The following USH2A variants were observed in gnomAD, a reference collection of about 807,000 sequenced individuals.
USH2A encodes Usher syndrome 2A (autosomal recessive, mild).
Under a neutral mutation model 538.9 loss-of-function variants are expected in USH2A, and 443 were observed. That is an observed-to-expected ratio of 0.82 (90% CI 0.76 to 0.89). The LOEUF (loss-of-function observed/expected upper bound fraction) is 0.89. Among genes scored for constraint, USH2A ranks in the 40% least tolerant of loss-of-function variants. The pLI, the probability that USH2A is intolerant of heterozygous loss-of-function variation, is 0.00. For missense variants in USH2A, 6,633 were observed against 6,324.8 expected (o/e 1.05, Z -1.65); for synonymous variants, 2,413 against 2,273.5 (o/e 1.06, Z -1.75).
At chr1:216,115,248 T>C (rs935417220) in intron 21 of USH2A, among the ~76,000 whole-genome samples, 2 of 152,102 alleles carry the variant, frequency 1.3e-5, no homozygotes, top group Admixed American at 6.6e-5. Flanking sequence ...CCTCAGCAAT[T>C]CTCCCACCTC....
intron 21 of USH2A, among the ~76,000 whole-genome samples, chr1:216,151,346 C>A (rs897501007): frequency 1.3e-5 from 2 of 152,112 alleles, no homozygotes; most frequent in Non-Finnish European, 2.9e-5. Flanking sequence ...TGTCTACCTG[C>A]CAATTGGACA....
chr1:216,147,254 A>G (rs2033726167), intron 21 of USH2A, among the ~76,000 whole-genome samples: 3 of 151,864 alleles, frequency 2.0e-5, no homozygotes, highest in African/African-American at 7.3e-5. Flanking sequence ...GCTAGGTCCC[A>G]ATTCTTCCTC....
rs58845914 is a variant in USH2A, at chr1:216,370,677, C to CAAAAAAAAAAAAAAAA, written c.652-5608_652-5593dup. On this transcript the variant is annotated intron_variant, in intron 3 of 71. Transcript: ENST00000307340. Reference sequence around the variant, plus strand: ...TGGGGAACAGAGCCAGACTCTGTCTCAAAAAAAAAAAAAAAAAAAAAAAAA... The same window carrying CAAAAAAAAAAAAAAAA: ...TGGGGAACAGAGCCAGACTCTGTCTCAAAAAAAAAAAAAAAAAAAAAAAAAAAAAAAAAAAAAAAAA... Among the ~76,000 whole-genome samples, 105 of 29,988 alleles carry CAAAAAAAAAAAAAAAA rather than the reference C, an allele frequency of 3.5e-3. 24 individuals are homozygous for CAAAAAAAAAAAAAAAA. Among genetic ancestry groups the CAAAAAAAAAAAAAAAA allele is most frequent in the East Asian group, 0.01 (7 of 698 alleles). The allele number at this position is 29,988 out of a possible 152,430, so 19.7% of individuals were successfully genotyped here.
At chr1:216,277,291 T>TTC (rs2036688465) in intron 11 of USH2A, among the ~76,000 whole-genome samples, 1 of 152,114 alleles carries the variant, frequency 6.6e-6, no homozygotes, top group Non-Finnish European at 1.5e-5. Context: ...TTCCTGGGGC[T>TTC]TCTCTCTCAC....
At chr1:216,137,051 AC>A (rs915943640) in intron 21 of USH2A, among the ~76,000 whole-genome samples, 26 of 152,180 alleles carry the variant, frequency 1.7e-4, no homozygotes, top group African/African-American at 5.8e-4. Context: ...TGGATGAATA[AC>A]CCCATTGGAA....
chr1:216,222,390 A>T (rs2035474469), intron 14 of USH2A, among the ~76,000 whole-genome samples: 1 of 152,224 alleles, frequency 6.6e-6, no homozygotes. Flanking sequence ...CAGGCTATAG[A>T]TTGCTGAACT....
chr1:216,324,192 G>C lies in USH2A; in HGVS notation c.1304C>G (p.Ser435Cys). ...KNNGDLEKPD[S>C]VNCLQLSNFT... Reference sequence around the variant, plus strand: ...CTTGGAAAGCTGAAGACAGTTGACAGAATCAGGTTTTTCCAAATCTCCATT... The same window carrying C: ...CTTGGAAAGCTGAAGACAGTTGACACAATCAGGTTTTTCCAAATCTCCATT... The change falls in exon 7 of 72, where the codon TCT becomes TGT. Residue 435 changes from serine to cysteine, a missense_variant. Transcript: ENST00000307340. 6.2e-7 allele frequency: 1 copy of C among 1,613,088 alleles called. No homozygotes were observed. Among genetic ancestry groups the C allele is most frequent in the African/African-American group, 1.3e-5 (1 of 75,004 alleles).
intron 35 of USH2A, among the ~76,000 whole-genome samples, chr1:215,978,747 C>T (rs1667680049): frequency 6.6e-6 from 1 of 152,080 alleles, no homozygotes; most frequent in Admixed American, 6.6e-5. Context: ...GTGTTACAGG[C>T]TTTTTAGAGC....
At chr1:216,140,943 G>A (rs1417777474) in intron 21 of USH2A, among the ~76,000 whole-genome samples, 3 of 152,184 alleles carry the variant, frequency 2.0e-5, no homozygotes, top group Non-Finnish European at 4.4e-5. Flanking sequence ...CACAACAGAG[G>A]TTTCATCAGT....
At chr1:215,942,586 C>T (rs902959192) in intron 37 of USH2A, among the ~76,000 whole-genome samples, 1 of 151,994 alleles carries the variant, frequency 6.6e-6, no homozygotes, top group Non-Finnish European at 1.5e-5. Context: ...AAATACCTGA[C>T]AGAATGGAAA....
At chr1:216,111,696 C>CT (rs898854566) in intron 21 of USH2A, among the ~76,000 whole-genome samples, 8 of 148,720 alleles carry the variant, frequency 5.4e-5, no homozygotes, top group East Asian at 2.0e-4. Flanking sequence ...TCAAAATATA[C>CT]TTTTTTCAGG....
At chr1:216,325,227 G>A (rs2037705461) in intron 6 of USH2A, 78 bp downstream of exon 6, 2 of 1,478,212 alleles carry the variant, frequency 1.4e-6, no homozygotes, top group Non-Finnish European at 9.4e-7. Context: ...TATTTCTGTT[G>A]TTTTAAGACA....
chr1:216,407,555 C>G lies in USH2A; in HGVS notation c.651+10959G>C, dbSNP rs74141588. Among the ~76,000 whole-genome samples, 714 of 152,058 alleles carry G rather than the reference C, an allele frequency of 4.7e-3. 6 individuals carry two copies. The highest frequency in any genetic ancestry group is 0.017 in the African/African-American group (686 of 41,484). ...TTAGAGAAAGAAATGCCAAGGGAAACAGTAAGGAAAAATAAAACTACTCAA... is the reference window on the plus strand; with the variant it reads ...TTAGAGAAAGAAATGCCAAGGGAAAGAGTAAGGAAAAATAAAACTACTCAA... On this transcript the variant is annotated intron_variant, in intron 3 of 71. Transcript: ENST00000307340.
chr1:216,371,513 C>T (rs1021055662), intron 3 of USH2A, among the ~76,000 whole-genome samples: 1 of 152,046 alleles, frequency 6.6e-6, no homozygotes, highest in Non-Finnish European at 1.5e-5. Flanking sequence ...AAAATACTGT[C>T]TTTTTTTTCC....
Position 215,674,233 on chromosome 1 carries a change from C to T in USH2A, c.13678G>A (p.Gly4560Ser). ...AAGAGGGTATAATTGATGATATCACCATTTGTTCTCACTGGAGGGTCCCAG... is the reference window on the plus strand; with the variant it reads ...AAGAGGGTATAATTGATGATATCACTATTTGTTCTCACTGGAGGGTCCCAG... ...VNWDPPVRTNGDIINYTLFIR... is the reference protein window; with the variant it reads ...VNWDPPVRTNSDIINYTLFIR... Residue 4560 changes from glycine to serine, a missense_variant, in exon 63 of 72, where the codon GGT (glycine) becomes AGT (serine). By Grantham distance (56) the Gly-to-Ser change is moderately conservative (BLOSUM62 0). Coordinates refer to ENST00000307340, the MANE Select transcript of USH2A (RefSeq NM_206933.4). 2 of 1,614,120 alleles carry T rather than the reference C, an allele frequency of 1.2e-6. No homozygotes were observed. The highest frequency in any genetic ancestry group is 1.7e-6 in the Non-Finnish European group (2 of 1,180,010).
chr1:216,169,795 A>G (rs888272648), intron 21 of USH2A, among the ~76,000 whole-genome samples: 1 of 152,124 alleles, frequency 6.6e-6, no homozygotes, highest in Admixed American at 6.6e-5. Flanking sequence ...CTTTTTTAGT[A>G]TAATTACTGC....
intron 22 of USH2A, among the ~76,000 whole-genome samples, chr1:216,090,967 T>C (rs2032287236): frequency 6.6e-6 from 1 of 152,218 alleles, no homozygotes; most frequent in South Asian, 2.1e-4. Flanking sequence ...TGGTTCTTCA[T>C]ATTTTGTTTG....
chr1:215,953,600 C>T (rs1245517342), intron 37 of USH2A, among the ~76,000 whole-genome samples: 2 of 151,968 alleles, frequency 1.3e-5, no homozygotes, highest in East Asian at 3.9e-4. Flanking sequence ...GACCTAAAAC[C>T]ATAAAAACCC....
intron 63 of USH2A, among the ~76,000 whole-genome samples, chr1:215,671,609 G>T (rs115832522): frequency 4.6e-5 from 7 of 152,092 alleles, no homozygotes; most frequent in Non-Finnish European, 1.5e-5. Context: ...TGATCTGTTC[G>T]AAAGGGGTGA....
Sources: gnomAD v4.1 joint callset for allele counts (sites outside exome capture counted in the v4.1 genomes callset) on GRCh38, gnomAD v4.1.1 for gene constraint, MANE v1.5 for transcripts, NCBI Gene and HGNC (gene_info 2026-07-23, HGNC 2026-07-21) for gene names.